The following RERE variants were observed in gnomAD, a reference collection of about 807,000 sequenced individuals.
The protein encoded by RERE is arginine-glutamic acid dipeptide repeats, also known as arginine-glutamic acid dipeptide repeats protein.
In RERE, 40 loss-of-function variants were observed where a neutral mutation model predicts 146.1. That is an observed-to-expected ratio of 0.27 (90% CI 0.21 to 0.36). The LOEUF is 0.36. RERE is among the 10% of genes least tolerant of loss of function. The pLI is 1.00. For missense variants in RERE, 1,933 were observed against 2,138.7 expected (o/e 0.90, Z 1.90); for synonymous variants, 1,003 against 866.0 (o/e 1.16, Z -2.78).
intron 12 of RERE, among the ~76,000 whole-genome samples, chr1:8,403,641 C>T (rs982379217): frequency 6.6e-6 from 1 of 151,548 alleles, no homozygotes; most frequent in Non-Finnish European, 1.5e-5. Flanking sequence ...GCTGGGATTA[C>T]GAGCGTGAGC....
chr1:8,378,670 C>A (rs1159565736), intron 12 of RERE, among the ~76,000 whole-genome samples: 1 of 152,216 alleles, frequency 6.6e-6, no homozygotes, highest in African/African-American at 2.4e-5. Flanking sequence ...GAACTCTGGT[C>A]TTGGACTTCC....
intron 2 of RERE, among the ~76,000 whole-genome samples, chr1:8,654,099 A>G (rs1006783370): frequency 1.3e-5 from 2 of 150,498 alleles, no homozygotes; most frequent in South Asian, 2.1e-4. Flanking sequence ...CAGTGCTATG[A>G]TGTGAACGGG....
intron 6 of RERE, among the ~76,000 whole-genome samples, chr1:8,542,380 G>A (rs775926892): frequency 4.4e-4 from 67 of 152,220 alleles, no homozygotes; most frequent in South Asian, 8.3e-4. Flanking sequence ...GAGTATGCAC[G>A]GTAACAACAT....
intron 1 of RERE, among the ~76,000 whole-genome samples, chr1:8,691,159 G>C (rs929716695): frequency 1.3e-5 from 2 of 152,140 alleles, no homozygotes; most frequent in African/African-American, 4.8e-5. Flanking sequence ...ACCTCCCAAA[G>C]TGCTGGGATT....
At chr1:8,706,638 A>AC (rs1182003876) in intron 1 of RERE, among the ~76,000 whole-genome samples, 5 of 152,218 alleles carry the variant, frequency 3.3e-5, no homozygotes, top group African/African-American at 9.6e-5. Context: ...CAAAAGCACT[A>AC]CCAAATTCTG....
intron 12 of RERE, among the ~76,000 whole-genome samples, chr1:8,396,302 G>C (rs1257927150): frequency 6.6e-6 from 1 of 152,158 alleles, no homozygotes. Flanking sequence ...AAATTCAAAG[G>C]CTGATCAAGT....
chr1:8,532,740 G>A (rs1008650842), intron 7 of RERE, among the ~76,000 whole-genome samples: 1 of 151,966 alleles, frequency 6.6e-6, no homozygotes, highest in Admixed American at 6.6e-5. Context: ...GGTTACAGGT[G>A]CACGCCACCC....
At chr1:8,463,414 G>T (rs903017538) in intron 11 of RERE, among the ~76,000 whole-genome samples, 1 of 152,144 alleles carries the variant, frequency 6.6e-6, no homozygotes, top group Admixed American at 6.5e-5. Flanking sequence ...TTGGAGTCCT[G>T]TTTTGTTTTT....
chr1:8,543,942 C>T (rs944213034), intron 6 of RERE, among the ~76,000 whole-genome samples: 12 of 152,174 alleles, frequency 7.9e-5, no homozygotes, highest in African/African-American at 2.4e-4. Context: ...AAACATTTCA[C>T]TTTTTTATCC....
intron 1 of RERE, among the ~76,000 whole-genome samples, chr1:8,790,364 T>G (rs1049871547): frequency 6.6e-6 from 1 of 152,222 alleles, no homozygotes; most frequent in African/African-American, 2.4e-5. Flanking sequence ...CTATACTATG[T>G]AGCTAATAAT....
chr1:8,595,300 T>C (rs1418312605), intron 4 of RERE, among the ~76,000 whole-genome samples: 2 of 152,098 alleles, frequency 1.3e-5, no homozygotes, highest in South Asian at 2.1e-4. Flanking sequence ...CTAAAGCATT[T>C]GTCCATATCC....
chr1:8,375,069 C>G (rs1369846146), intron 12 of RERE, among the ~76,000 whole-genome samples: 2 of 151,038 alleles, frequency 1.3e-5, no homozygotes. Flanking sequence ...CTTCCCTGTG[C>G]TGTAACCATA....
chr1:8,769,429 A>G (rs535163109), intron 1 of RERE, among the ~76,000 whole-genome samples: 1 of 152,302 alleles, frequency 6.6e-6, no homozygotes, highest in South Asian at 2.1e-4. Flanking sequence ...TGAATTCCGA[A>G]CCATTTTTAA....
At chr1:8,550,104 GAAGTT>G (rs1645915775) in intron 6 of RERE, among the ~76,000 whole-genome samples, 1 of 152,184 alleles carries the variant, frequency 6.6e-6, no homozygotes, top group Non-Finnish European at 1.5e-5. Context: ...AGTTGTAGAA[GAAGTT>G]CACATTGTGG....
intron 4 of RERE, among the ~76,000 whole-genome samples, chr1:8,612,212 T>G (rs563047398): frequency 2.6e-5 from 4 of 152,296 alleles, no homozygotes; most frequent in African/African-American, 9.6e-5. Flanking sequence ...TGGCAAGAAA[T>G]GTTAATGATA....
At chr1:8,384,737 C>T (rs145981604) in intron 12 of RERE, among the ~76,000 whole-genome samples, 137 of 152,334 alleles carry the variant, frequency 9.0e-4, no homozygotes, top group Non-Finnish European at 1.8e-3. Context: ...TCTTACTCAT[C>T]TGTTCCAGAA....
intron 8 of RERE, among the ~76,000 whole-genome samples, chr1:8,508,035 G>A (rs375303299): frequency 6.6e-6 from 1 of 152,114 alleles, no homozygotes; most frequent in East Asian, 1.9e-4. Flanking sequence ...CATTGTGCCT[G>A]GCTTTAAAAA....
In RERE at chr1:8,703,481, G is replaced by C. The variant is rs546224526; in HGVS notation, c.-144-47040C>G. ...CAAAACCCGGGCTGGAGCCCAGCCC[G>C]CTCCGCGCGCACCCCTGCTGGCCGC... On this transcript the variant is annotated intron_variant, in intron 1 of 22. Coordinates refer to ENST00000400908, the MANE Select transcript of RERE (RefSeq NM_001042681.2). Among the ~76,000 whole-genome samples the C allele has an allele frequency of 5.3e-5, 8 of 151,920 alleles. No individual in the cohort carries two copies. In the South Asian group the frequency reaches 1.7e-3, roughly 31 times the overall value.
At chr1:8,812,325 C>A (rs1033388812) in intron 1 of RERE, among the ~76,000 whole-genome samples, 1 of 152,136 alleles carries the variant, frequency 6.6e-6, no homozygotes, top group Non-Finnish European at 1.5e-5. Context: ...ATATTGCTCA[C>A]ACTTGCTGAC....
Sources: gnomAD v4.1 joint callset for allele counts (sites outside exome capture counted in the v4.1 genomes callset) on GRCh38, gnomAD v4.1.1 for gene constraint, MANE v1.5 for transcripts, NCBI Gene and HGNC (gene_info 2026-07-23, HGNC 2026-07-21) for gene names.